The following AFP variants were observed in gnomAD, a reference collection of about 807,000 sequenced individuals.
AFP encodes alpha fetoprotein, also known as alpha-fetoprotein.
A neutral mutation model predicts 78.9 loss-of-function variants in AFP; 64 were observed. That is an observed-to-expected ratio of 0.81 (90% confidence interval 0.66 to 1.00). The LOEUF is 1.00. Among genes scored for constraint, AFP ranks in the 50% least tolerant of loss-of-function variants. AFP has a pLI of 0.00. For missense variants in AFP, 689 were observed against 703.8 expected, an observed-to-expected ratio of 0.98 and a Z score of 0.24; for synonymous variants, 254 against 243.8, an observed-to-expected ratio of 1.04 and a Z score of -0.39.
Position 73,445,085 on chromosome 4 carries a change from G to A in AFP, c.806G>A (p.Cys269Tyr), listed in dbSNP as rs767644467. 6.2e-7 allele frequency: 1 copy of A among 1,613,992 alleles called. No homozygotes were observed. Among genetic ancestry groups the A allele is most frequent in the Non-Finnish European group, 8.5e-7 (1 of 1,179,912 alleles). The part of the protein sequence containing the change: ...VLDVAHVHEH[C>Y]CRGDVLDCLQ... The stretch of plus-strand genomic sequence containing the variant: ...GATGTGGCCCATGTACATGAGCACT[G>A]TTGCAGAGGAGATGTGCTGGATTGT... The change falls in exon 7 of 15, where the codon TGT (cysteine) becomes TAT (tyrosine). Residue 269 changes from cysteine to tyrosine, a missense_variant. Cys to Tyr is a radical substitution (Grantham distance 194). Coordinates refer to ENST00000395792, the MANE Select transcript of AFP (RefSeq NM_001134.3).
chr4:73,449,228 G>T, intron 8 of AFP, 107 bp from the exon 9 acceptor site: 1 of 1,012,066 alleles, frequency 9.9e-7, no homozygotes. Flanking sequence ...TTATTTATTT[G>T]AATTTAACTT....
chr4:73,444,971 C>T, intron 6 of AFP, 22 bp from the exon 7 acceptor site: 1 of 1,578,090 alleles, frequency 6.3e-7, no homozygotes, highest in South Asian at 1.1e-5. Context: ...AAATTAATTT[C>T]TAATTTCTTT....
intron 6 of AFP, among the ~76,000 whole-genome samples, chr4:73,443,847 G>A (rs977572026): frequency 6.6e-6 from 1 of 152,038 alleles, no homozygotes; most frequent in Non-Finnish European, 1.5e-5. Context: ...TATATTAATT[G>A]TGTTTCTTAA....
intron 3 of AFP, 48 bp downstream of exon 3, chr4:73,438,354 A>G (rs1309367494): frequency 4.5e-6 from 7 of 1,565,380 alleles, no homozygotes; most frequent in Middle Eastern, 1.7e-4. Flanking sequence ...ACAAAAATTT[A>G]GCATGCTGAA....
chr4:73,438,430 G>A (rs1279035640), intron 3 of AFP, 124 bp downstream of exon 3: 25 of 1,123,302 alleles, frequency 2.2e-5, no homozygotes, highest in Non-Finnish European at 2.9e-5. Flanking sequence ...TATGAAAGAG[G>A]GATTAGATTC....
intron 8 of AFP, among the ~76,000 whole-genome samples, chr4:73,448,363 T>G (rs1719892883): frequency 6.6e-6 from 1 of 152,148 alleles, no homozygotes; most frequent in Non-Finnish European, 1.5e-5. Flanking sequence ...TGTGTAGCAC[T>G]TAGGACATTA....
At chr4:73,453,463 G>C (rs746427337) in intron 12 of AFP, 10 of 347,288 alleles carry the variant, frequency 2.9e-5, no homozygotes, top group Non-Finnish European at 5.0e-5. Flanking sequence ...GTTAAGAAGA[G>C]CGGACAGGAA....
chr4:73,437,469 T>A (rs1161290975), intron 2 of AFP, among the ~76,000 whole-genome samples: 1 of 152,046 alleles, frequency 6.6e-6, no homozygotes, highest in African/African-American at 2.4e-5. Flanking sequence ...AAGATTAGTG[T>A]CTGATCAGTG....
chr4:73,447,273 C>A (rs1719857479), intron 7 of AFP, among the ~76,000 whole-genome samples, 189 bp from the exon 8 acceptor site: 1 of 151,842 alleles, frequency 6.6e-6, no homozygotes, highest in Admixed American at 6.6e-5. Flanking sequence ...GTAATTTCTT[C>A]TTCTTTCCTT....
Position 73,436,325 on chromosome 4 carries a change from G to A in AFP, c.63G>A (p.Leu21=), listed in dbSNP as rs1176479371. ...FLLNFTESRT[L]HRNEYGIASI... is the part of the protein sequence containing the mutation. ...TAAATTTTACTGAATCCAGAACACT[G>A]CATAGAAATGAATATGGAATAGGTG... is the stretch of plus-strand genomic sequence containing the variant. Residue 21 remains leucine (L), a synonymous_variant, in exon 1 of 15, where the codon CTG becomes CTA. Transcript: ENST00000395792. 6.3e-7 allele frequency: 1 copy of A among 1,591,036 alleles called. No individual in the cohort carries two copies. The highest frequency in any genetic ancestry group is 1.7e-5 in the Admixed American group (1 of 58,866).
rs989008683 is a variant in AFP at position 73,455,834 on chromosome 4, A to T, written c.*214A>T. 26 of 589,618 alleles carry T rather than the reference A, an allele frequency of 4.4e-5. No homozygotes were observed. Among genetic ancestry groups the T allele is most frequent in the Non-Finnish European group, 6.8e-5 (23 of 337,084 alleles). 36.5% of individuals were successfully genotyped at this position (589,618 alleles called of 1,614,324 possible). On this transcript the variant is annotated 3_prime_UTR_variant, in exon 15 of 15. Coordinates refer to ENST00000395792, the MANE Select transcript of AFP (RefSeq NM_001134.3). ...TTATCGATAATTTCTTTAGTTTTGT[A>T]TACCATTGTCTGAAGCAGATTCTGT...
intron 1 of AFP, 95 bp downstream of exon 1, chr4:73,436,442 T>A: frequency 1.4e-6 from 1 of 708,378 alleles, no homozygotes; most frequent in Non-Finnish European, 2.3e-6. Context: ...TTATTCATAT[T>A]TATTATTCCA....
chr4:73,443,197 T>G, intron 5 of AFP, 150 bp from the exon 6 acceptor site: 4 of 693,938 alleles, frequency 5.8e-6, no homozygotes, highest in South Asian at 5.5e-5. Flanking sequence ...AATAATATTC[T>G]GCGATAATGT....
At chr4:73,436,604 T>C (rs931476515) in intron 1 of AFP, among the ~76,000 whole-genome samples, 1 of 151,614 alleles carries the variant, frequency 6.6e-6, no homozygotes, top group African/African-American at 2.4e-5. Context: ...ATGGTATGCA[T>C]ATTAACTTTG....
chr4:73,444,612 C>T (rs1222371008), intron 6 of AFP, among the ~76,000 whole-genome samples: 2 of 152,104 alleles, frequency 1.3e-5, no homozygotes, highest in Non-Finnish European at 2.9e-5. Context: ...TTTTTTACCC[C>T]AGTAAAAAAT....
At chr4:73,440,834 T>C in intron 4 of AFP, 21 bp downstream of exon 4, 3 of 1,604,990 alleles carry the variant, frequency 1.9e-6, no homozygotes, top group Non-Finnish European at 2.6e-6. Flanking sequence ...AGTTTAAAGG[T>C]AGATGCAAAC....
intron 5 of AFP, among the ~76,000 whole-genome samples, 200 bp downstream of exon 5, chr4:73,442,628 AT>A (rs1360160374): frequency 3.3e-5 from 5 of 152,192 alleles, no homozygotes; most frequent in Non-Finnish European, 5.9e-5. Context: ...GTCAACAATA[AT>A]TTTATTATTA....
At chr4:73,440,885 G>A (rs1050965502) in intron 4 of AFP, 72 bp downstream of exon 4, 95 of 1,397,366 alleles carry the variant, frequency 6.8e-5, no homozygotes, top group Non-Finnish European at 8.8e-5. Flanking sequence ...TAGTATTTTT[G>A]CAATGTACTC....
intron 11 of AFP, among the ~76,000 whole-genome samples, chr4:73,451,766 T>C (rs1253124203): frequency 2.0e-5 from 3 of 152,246 alleles, no homozygotes; most frequent in Non-Finnish European, 4.4e-5. Flanking sequence ...CAAGATAATC[T>C]GCATAACTCA....
Sources: gnomAD v4.1 joint callset for allele counts (sites outside exome capture counted in the v4.1 genomes callset) on GRCh38, gnomAD v4.1.1 for gene constraint, MANE v1.5 for transcripts, NCBI Gene and HGNC (gene_info 2026-07-23, HGNC 2026-07-21) for gene names.